SDHB: variants seen among roughly 807,000 people sequenced by gnomAD.
The protein encoded by SDHB is succinate dehydrogenase [ubiquinone] iron-sulfur subunit, mitochondrial.
SDHB carries 21 observed loss-of-function variants against 39.7 expected under a neutral mutation model. The ratio of observed to expected loss-of-function variants is 0.53; its 90% CI spans 0.37 to 0.76. The LOEUF (loss-of-function observed/expected upper bound fraction) is 0.76. Among genes scored for constraint, SDHB ranks in the 30% least tolerant of loss-of-function variants. The pLI is 0.00. For missense variants in SDHB, 343 were observed against 350.9 expected (o/e 0.98, Z 0.18); for synonymous variants, 118 against 117.0 (o/e 1.01, Z -0.06).
At position 17,018,785 on chromosome 1, in the gene SDHB, A is replaced by G; in HGVS notation, c.*96T>C. ...TTAAAATTTTTATTATACATGCTGT[A>G]TTCATGGAAAACCAAGATCTTTAAA... On this transcript the variant is annotated 3_prime_UTR_variant, in exon 8 of 8. Coordinates refer to ENST00000375499, the MANE Select transcript of SDHB (RefSeq NM_003000.3). The G allele has an allele frequency of 1.2e-6, 1 of 841,652 alleles. No homozygotes were observed. The highest frequency in any genetic ancestry group is 2.0e-6 in the Non-Finnish European group (1 of 488,646). 52.1% of individuals were successfully genotyped at this position (841,652 alleles called of 1,614,324 possible). A position where few individuals can be genotyped will look rare whatever the true frequency, so the allele number is the denominator to read the frequency against.
At chr1:17,028,476 A>G (rs1557741327) in intron 4 of SDHB, 124 bp downstream of exon 4, 6 of 965,816 alleles carry the variant, frequency 6.2e-6, no homozygotes, top group Admixed American at 1.9e-5. Context: ...TCTATTTACT[A>G]TCTGACTAGA....
intron 2 of SDHB, 150 bp downstream of exon 2, chr1:17,044,611 C>T (rs1361521529): frequency 5.4e-6 from 5 of 919,274 alleles, no homozygotes; most frequent in Non-Finnish European, 6.9e-6. Flanking sequence ...TAGGCGTGAG[C>T]CACCGTGCCC....
rs2078041213 is a variant in SDHB, at chr1:17,034,508, G to A, written c.201-1363C>T. Among the ~76,000 whole-genome samples the A allele has an allele frequency of 3.3e-5, 5 of 152,194 alleles. No individual in the cohort carries two copies. In the South Asian group the frequency reaches 1.0e-3, roughly 32 times the overall value. On this transcript the variant is annotated intron_variant, in intron 2 of 7. Coordinates refer to ENST00000375499, the MANE Select transcript of SDHB (RefSeq NM_003000.3). ...CGATTCTCCTGCCTCAGCCTCCCGA[G>A]TAGCTGGGATTACAGGTGCATGCCA...
rs1396860069 is a variant in SDHB at position 17,027,831 on chromosome 1, A to G, written c.458T>C (p.Ile153Thr). ...ATCCTTCTTCTTCAAATAAGGCTCA[A>G]TGGATTTGTACTGTGCATAGAAGTT... ...LSNFYAQYKS[I>T]EPYLKKKDES... The change falls in exon 5 of 8, where the codon ATT (isoleucine) becomes ACT (threonine). Residue 153 changes from isoleucine to threonine, a missense_variant. By Grantham distance (89) the Ile-to-Thr change is moderately conservative. Transcript: ENST00000375499. 3 of 1,612,666 alleles carry G rather than the reference A, an allele frequency of 1.9e-6. No individual in the cohort carries two copies. Among genetic ancestry groups the G allele is most frequent in the East Asian group, 2.2e-5 (1 of 44,880 alleles).
In SDHB at chr1:17,020,861, G is replaced by A. The variant is rs538804582; in HGVS notation, c.765+1747C>T. Among the ~76,000 whole-genome samples the A allele has an allele frequency of 2.0e-4, 30 of 152,318 alleles. 1 individual carries two copies. In the South Asian group the frequency reaches 2.7e-3, roughly 14 times the overall value. ...GCTGAAGCCTGTGGGCTCCCCCAGC[G>A]AGGCCACTGGAAACACAGAGGGTTT... On this transcript the variant is annotated intron_variant, in intron 7 of 7. Coordinates refer to ENST00000375499, the MANE Select transcript of SDHB (RefSeq NM_003000.3).
At chr1:17,028,775 C>A (rs773826316) in intron 3 of SDHB, 39 bp from the exon 4 acceptor site, 1 of 1,610,142 alleles carries the variant, frequency 6.2e-7, no homozygotes, top group Non-Finnish European at 8.5e-7. Flanking sequence ...TCACCCATAT[C>A]CGGAATCAGT....
chr1:17,046,379 G>A (rs1429863147), intron 1 of SDHB, among the ~76,000 whole-genome samples: 4 of 151,734 alleles, frequency 2.6e-5, no homozygotes, highest in African/African-American at 7.2e-5. Flanking sequence ...TTTTTTCTGT[G>A]AGATTTAATA....
At chr1:17,027,639 G>C in intron 5 of SDHB, 110 bp downstream of exon 5, 1 of 786,288 alleles carries the variant, frequency 1.3e-6, no homozygotes, top group Middle Eastern at 2.3e-4. Context: ...TTCCTCTCCA[G>C]AATACACTAA....
intron 1 of SDHB, among the ~76,000 whole-genome samples, chr1:17,050,821 T>C (rs1475749968): frequency 1.3e-5 from 2 of 152,236 alleles, no homozygotes; most frequent in African/African-American, 4.8e-5. Context: ...CTCAGGATTA[T>C]GTTATCTGTG....
At chr1:17,048,148 C>T (rs1459809533) in intron 1 of SDHB, among the ~76,000 whole-genome samples, 2 of 152,218 alleles carry the variant, frequency 1.3e-5, no homozygotes, top group Admixed American at 1.3e-4. Context: ...CCCTACCTCC[C>T]CTGTACTCCG....
chr1:17,031,088 C>T (rs1362288515), intron 3 of SDHB, among the ~76,000 whole-genome samples: 10 of 151,618 alleles, frequency 6.6e-5, no homozygotes, highest in South Asian at 2.1e-4. Context: ...TGCGCCCAGT[C>T]GGTTATCACT....
Position 17,053,945 on chromosome 1 carries a change from C to T in SDHB, c.72+3G>A, listed in dbSNP as rs569245129. 1.8e-5 allele frequency: 29 copies of T among 1,611,594 alleles called. No homozygotes were observed. In the South Asian group the frequency reaches 3.1e-4, roughly 17 times the overall value. ...TTTCCCTCTCTGAGGCTCCAGGACT[C>T]ACCTGCAGGCAGGCTCCGCCAAGGG... On this transcript the variant is annotated splice_donor_region_variant and intron_variant, in intron 1 of 7. Coordinates refer to ENST00000375499, the MANE Select transcript of SDHB (RefSeq NM_003000.3).
At chr1:17,033,893 T>C (rs2078035721) in intron 2 of SDHB, among the ~76,000 whole-genome samples, 1 of 152,256 alleles carries the variant, frequency 6.6e-6, no homozygotes, top group Non-Finnish European at 1.5e-5. Context: ...ATAATCATCA[T>C]GCAGAAACTG....
At chr1:17,044,991 A>T in intron 1 of SDHB, 103 bp from the exon 2 acceptor site, 1 of 1,019,228 alleles carries the variant, frequency 9.8e-7, no homozygotes, top group South Asian at 1.4e-5. Context: ...AAACTCACAC[A>T]TTACTGACAC....
chr1:17,045,049 GCACCTATCATATGCTAATATATCAGA>G (rs1353385386), intron 1 of SDHB, 161 bp from the exon 2 acceptor site: 20 of 669,702 alleles, frequency 3.0e-5, no homozygotes, highest in Non-Finnish European at 5.2e-5. Flanking sequence ...CAAGTATTAA[GCACCTATCATATGCTAATATATCAGA>G]CATGGTATTA....
chr1:17,033,098 A>C lies in SDHB; in HGVS notation c.248T>G (p.Val83Gly), dbSNP rs763547482. 6.2e-7 allele frequency: 1 copy of C among 1,613,996 alleles called. No individual in the cohort carries two copies. Among genetic ancestry groups the C allele is most frequent in the Admixed American group, 1.7e-5 (1 of 60,006 alleles). The change falls in exon 3 of 8, where the codon GTT becomes GGT. Residue 83 changes from valine (V) to glycine (G), a missense_variant. Physicochemically the swap from Val to Gly is moderately radical, Grantham distance 109 (BLOSUM62 -3). Coordinates refer to ENST00000375499, the MANE Select transcript of SDHB (RefSeq NM_003000.3). ...TCTTCGGAAGGTCAAAGTAGAGTCA[A>C]CTTCATTCTTAATCTTGATTAAAGC... ...LDALIKIKNEVDSTLTFRRSC... is the reference protein window; with the variant it reads ...LDALIKIKNEGDSTLTFRRSC...
At position 17,028,607 on chromosome 1, in the gene SDHB, A is replaced by C. The variant is rs777629820; in HGVS notation, c.416T>G (p.Leu139Arg). Residue 139 changes from leucine (L) to arginine (R), a missense_variant, in exon 4 of 8, where the codon CTT becomes CGT. Physicochemically the swap from Leu to Arg is moderately radical, Grantham distance 102. Transcript: ENST00000375499. ...PLPHMYVIKD[L>R]VPDLSNFYAQ... ...AGAGATGCAGAAACTCACGGGAACA[A>C]GATCCTTTATCACATACATGTGTGG... is the stretch of plus-strand genomic sequence containing the variant. The C allele has an allele frequency of 6.2e-7, 1 of 1,614,204 alleles. No homozygotes were observed. Among genetic ancestry groups the C allele is most frequent in the Non-Finnish European group, 8.5e-7 (1 of 1,180,038 alleles).
At chr1:17,032,204 C>CTT (rs759941990) in intron 3 of SDHB, among the ~76,000 whole-genome samples, 4 of 143,034 alleles carry the variant, frequency 2.8e-5, no homozygotes, top group African/African-American at 5.1e-5. Context: ...TTATATTTTT[C>CTT]TTTTTTTTTT....
At chr1:17,044,998 A>G (rs907817272) in intron 1 of SDHB, 110 bp from the exon 2 acceptor site, 4 of 982,796 alleles carry the variant, frequency 4.1e-6, no homozygotes, top group Non-Finnish European at 6.2e-6. Context: ...CACATTACTG[A>G]CACATAATCT....
Sources: allele counts gnomAD v4.1 joint callset (sites outside exome capture counted in the v4.1 genomes callset), GRCh38; gene constraint gnomAD v4.1.1; transcripts MANE v1.5; gene names NCBI Gene and HGNC (gene_info 2026-07-23, HGNC 2026-07-21).